Variants in ROR1 observed in about 807,000 individuals in gnomAD.
ROR1 encodes inactive tyrosine-protein kinase transmembrane receptor ROR1.
ROR1 carries 19 observed loss-of-function variants against 78.8 expected under a neutral mutation model. That is an observed-to-expected ratio of 0.24 (90% CI 0.17 to 0.35). ROR1 has a LOEUF of 0.35. Among genes scored for constraint, ROR1 ranks in the 10% least tolerant of loss-of-function variants. The pLI, the probability that ROR1 is intolerant of heterozygous loss-of-function variation, is 1.00. For synonymous variants in ROR1, 386 were observed against 433.6 expected, an observed-to-expected ratio of 0.89 and a Z score of 1.36; for missense variants, 917 against 1,177.8, an observed-to-expected ratio of 0.78 and a Z score of 3.24.
At chr1:63,873,699 TG>T (rs1039457951) in intron 1 of ROR1, among the ~76,000 whole-genome samples, 3 of 152,156 alleles carry the variant, frequency 2.0e-5, no homozygotes, top group Admixed American at 6.5e-5. Flanking sequence ...ATTTTTATTA[TG>T]TTTTTTTTCC....
At chr1:63,803,552 G>C (rs1222082847) in intron 1 of ROR1, among the ~76,000 whole-genome samples, 2 of 152,146 alleles carry the variant, frequency 1.3e-5, no homozygotes, top group Non-Finnish European at 2.9e-5. Context: ...CACCATGCTG[G>C]CGAGGCTGGT....
intron 1 of ROR1, chr1:63,843,084 G>C (rs1645058731): frequency 7.5e-6 from 4 of 535,730 alleles, no homozygotes; most frequent in East Asian, 7.0e-5. Flanking sequence ...CCCTCCCCCT[G>C]CTGGGATCCC....
At chr1:63,794,448 A>G (rs1284783674) in intron 1 of ROR1, among the ~76,000 whole-genome samples, 1 of 152,138 alleles carries the variant, frequency 6.6e-6, no homozygotes, top group Non-Finnish European at 1.5e-5. Context: ...CTGGCATCGA[A>G]ACTGGCTTCC....
intron 4 of ROR1, among the ~76,000 whole-genome samples, chr1:64,082,818 T>C (rs1040380406): frequency 1.3e-5 from 2 of 152,226 alleles, no homozygotes; most frequent in African/African-American, 2.4e-5. Flanking sequence ...TTCTCAGATA[T>C]CAAGTCTGTA....
rs1005063571 is a variant in ROR1, at chr1:63,885,596, G to A, written c.91+111088G>A. Among the ~76,000 whole-genome samples, 5 of 152,084 alleles carry A rather than the reference G, an allele frequency of 3.3e-5. No individual in the cohort carries two copies. The South Asian group carries it at 6.2e-4, about 19-fold the overall frequency. On this transcript the variant is annotated intron_variant, in intron 1 of 8. Transcript: ENST00000371079. ...TGCAACAACGAGGTTTCTCTTTTGGGAAAGAGGAGAGAGACCAGTATCTTA... is the reference window on the plus strand; with the variant it reads ...TGCAACAACGAGGTTTCTCTTTTGGAAAAGAGGAGAGAGACCAGTATCTTA...
chr1:63,822,634 C>T (rs1644930170), intron 1 of ROR1, among the ~76,000 whole-genome samples: 1 of 152,100 alleles, frequency 6.6e-6, no homozygotes. Flanking sequence ...AACTTGCTTT[C>T]CTCCCACTTA....
intron 4 of ROR1, among the ~76,000 whole-genome samples, chr1:64,072,951 A>G (rs1002615662): frequency 9.2e-5 from 14 of 152,302 alleles, no homozygotes; most frequent in Non-Finnish European, 1.5e-4. Flanking sequence ...TTCAACCCCT[A>G]CTAGAGTAGT....
At chr1:63,866,228 G>T (rs180896747) in intron 1 of ROR1, among the ~76,000 whole-genome samples, 1 of 152,086 alleles carries the variant, frequency 6.6e-6, no homozygotes, top group South Asian at 2.1e-4. Flanking sequence ...CTTCACGTCT[G>T]GCCTGGATGT....
At chr1:63,868,718 G>T (rs752283251) in intron 1 of ROR1, among the ~76,000 whole-genome samples, 3 of 152,170 alleles carry the variant, frequency 2.0e-5, no homozygotes, top group African/African-American at 7.2e-5. Context: ...TCTCCACCCC[G>T]TGGACAGAAG....
At chr1:64,062,670 T>G (rs774669249) in intron 4 of ROR1, among the ~76,000 whole-genome samples, 1 of 152,164 alleles carries the variant, frequency 6.6e-6, no homozygotes, top group Non-Finnish European at 1.5e-5. Flanking sequence ...AGAAGGCTGA[T>G]AAGAAAAACA....
At chr1:64,011,880 G>A (rs544230998) in intron 2 of ROR1, among the ~76,000 whole-genome samples, 23 of 152,312 alleles carry the variant, frequency 1.5e-4, no homozygotes, top group Admixed American at 9.8e-4. Context: ...ACCAGGCAAA[G>A]GCCCCTGTCC....
At chr1:64,094,167 A>G (rs763735753) in intron 4 of ROR1, among the ~76,000 whole-genome samples, 4 of 152,168 alleles carry the variant, frequency 2.6e-5, no homozygotes, top group African/African-American at 7.2e-5. Context: ...TTCTTAAATA[A>G]CTACCATAGA....
At chr1:63,942,012 T>C (rs1291928410) in intron 1 of ROR1, among the ~76,000 whole-genome samples, 1 of 150,528 alleles carries the variant, frequency 6.6e-6, no homozygotes, top group East Asian at 1.9e-4. Flanking sequence ...GAGTGAAGAT[T>C]CAAATTCAGG....
In ROR1 at chr1:64,179,609, T is replaced by A. The variant is rs1327870456; in HGVS notation, c.*754T>A. 1 of 152,152 alleles carries A rather than the reference T, an allele frequency of 6.6e-6. No individual in the cohort carries two copies. The highest frequency in any genetic ancestry group is 1.5e-5 in the Non-Finnish European group (1 of 68,046). The allele number at this position is 152,152 out of a possible 1,614,324, so 9.4% of individuals were successfully genotyped here. Reference sequence around the variant, plus strand: ...GCTAGATGTGGATGCTAGAATTGATTGTTGGTTGATAGTTCTCTTTGCTGG... The same window carrying A: ...GCTAGATGTGGATGCTAGAATTGATAGTTGGTTGATAGTTCTCTTTGCTGG... On this transcript the variant is annotated 3_prime_UTR_variant, in exon 9 of 9. Transcript: ENST00000371079.
rs78490714 is a variant in ROR1 at position 64,043,743 on chromosome 1, G to C, written c.164-5948G>C. Among the ~76,000 whole-genome samples the C allele has an allele frequency of 4.8e-3, 733 of 152,284 alleles. 1 individual carries two copies. The highest frequency in any genetic ancestry group is 7.4e-3 in the Non-Finnish European group (502 of 68,028). ...ATAATATGGTCTCTGCTGTTCAAAG[G>C]CGTGGGTTTGGGTCCTGGCTCTGCC... On this transcript the variant is annotated intron_variant, in intron 2 of 8. Transcript: ENST00000371079.
At chr1:64,152,696 T>C (rs1649662035) in intron 7 of ROR1, among the ~76,000 whole-genome samples, 1 of 152,238 alleles carries the variant, frequency 6.6e-6, no homozygotes, top group African/African-American at 2.4e-5. Flanking sequence ...TTTGGATTCA[T>C]TATATTAGCC....
At chr1:64,014,713 C>CTATATATATATATATATATA (rs112423773) in intron 2 of ROR1, among the ~76,000 whole-genome samples, 16 of 29,306 alleles carry the variant, frequency 5.5e-4, no homozygotes, top group Non-Finnish European at 1.2e-3. Context: ...TGCTGACAGA[C>CTATATATATATATATATATA]TATATATATA....
Position 64,178,270 on chromosome 1 carries a change from C to T in ROR1, c.2229C>T (p.His743=), listed in dbSNP as rs781666197. 15 of 1,614,100 alleles carry T rather than the reference C, an allele frequency of 9.3e-6. No homozygotes were observed. The highest frequency in any genetic ancestry group is 4.5e-5 in the East Asian group (2 of 44,876). ...PSRRPRFKDI[H]VRLRSWEGLS... ...GGAGACCAAGATTTAAAGATATTCA[C>T]GTCCGGCTTCGGTCCTGGGAGGGAC... is the stretch of plus-strand genomic sequence containing the variant. The change falls in exon 9 of 9, where the codon CAC becomes CAT. Residue 743 remains histidine, a synonymous_variant. Coordinates refer to ENST00000371079, the MANE Select transcript of ROR1 (RefSeq NM_005012.4). The surrounding 1 kb of genome is among the most constrained non-coding windows in gnomAD (Gnocchi z 4.3).
intron 1 of ROR1, among the ~76,000 whole-genome samples, chr1:63,993,398 C>T (rs1646312011): frequency 6.6e-6 from 1 of 152,138 alleles, no homozygotes; most frequent in African/African-American, 2.4e-5. Flanking sequence ...TACAGTAAAA[C>T]ATCCTGCTTG....
Sources: gnomAD v4.1 joint callset for allele counts (sites outside exome capture counted in the v4.1 genomes callset) on GRCh38, gnomAD v4.1.1 for gene constraint, Gnocchi (gnomAD v3.1) non-coding constraint, MANE v1.5 for transcripts, NCBI Gene and HGNC (gene_info 2026-07-23, HGNC 2026-07-21) for gene names.